Variants in CACNA2D4 observed in about 807,000 individuals in gnomAD.
The protein encoded by CACNA2D4 is voltage-dependent calcium channel subunit alpha-2/delta-4.
A neutral mutation model predicts 163.8 loss-of-function variants in CACNA2D4; 157 were observed. The ratio of observed to expected loss-of-function variants is 0.96; its 90% confidence interval spans 0.84 to 1.09. The LOEUF (loss-of-function observed/expected upper bound fraction) is 1.09, where lower values mean the gene tolerates loss of function less well. CACNA2D4 is among the 50% of genes least tolerant of loss of function. The pLI, the probability that CACNA2D4 is intolerant of heterozygous loss-of-function variation, is 0.00. For missense variants in CACNA2D4, 1,410 were observed against 1,479.9 expected (o/e 0.95, Z 0.78); for synonymous variants, 598 against 586.9 (o/e 1.02, Z -0.27).
At chr12:1,901,491 A>G (rs893659468) in intron 6 of CACNA2D4, among the ~76,000 whole-genome samples, 1 of 152,066 alleles carries the variant, frequency 6.6e-6, no homozygotes, top group Non-Finnish European at 1.5e-5. Context: ...ATATAAAATC[A>G]TAGATGAAAA....
intron 26 of CACNA2D4, chr12:1,822,211 A>T (rs1356268777): frequency 2.0e-5 from 3 of 152,318 alleles, no homozygotes; most frequent in East Asian, 3.9e-4. Context: ...GTCTGGGCCC[A>T]CGAGGAGCAA....
At position 1,883,332 on chromosome 12, in the gene CACNA2D4, G is replaced by C. The variant is rs919328763; in HGVS notation, c.1352-332C>G. Among the ~76,000 whole-genome samples, 1 of 152,156 alleles carries C rather than the reference G, an allele frequency of 6.6e-6. No homozygotes were observed. The highest frequency in any genetic ancestry group is 2.4e-5 in the African/African-American group (1 of 41,430). On this transcript the variant is annotated intron_variant, in intron 12 of 37. Coordinates refer to ENST00000382722, the MANE Select transcript of CACNA2D4 (RefSeq NM_172364.5). This position sits in a 1 kb window ranked among gnomAD's most constrained non-coding sequence, Gnocchi z 4.5. ...GCCTCGCCCTCCCACTTCCTCACAG[G>C]AACATCTCATGAGAGTGCCCTGTAA...
intron 26 of CACNA2D4, among the ~76,000 whole-genome samples, chr12:1,839,678 C>T (rs1035706580): frequency 1.3e-5 from 2 of 152,164 alleles, no homozygotes; most frequent in Non-Finnish European, 2.9e-5. Context: ...CCACAGTGCC[C>T]GGCACACGCT....
At chr12:1,887,928 T>C (rs773336196) in intron 6 of CACNA2D4, among the ~76,000 whole-genome samples, 9 of 152,304 alleles carry the variant, frequency 5.9e-5, no homozygotes, top group Non-Finnish European at 1.0e-4. Context: ...TCAGATGACA[T>C]ACACCCTTTG....
chr12:1,824,205 T>A (rs927550589), intron 26 of CACNA2D4, among the ~76,000 whole-genome samples: 1 of 152,180 alleles, frequency 6.6e-6, no homozygotes, highest in Non-Finnish European at 1.5e-5. Context: ...CCGTTTGCCC[T>A]GCTGAGAGGT....
chr12:1,816,207 A>C (rs895224688), intron 26 of CACNA2D4, among the ~76,000 whole-genome samples: 5 of 152,248 alleles, frequency 3.3e-5, no homozygotes, highest in African/African-American at 4.8e-5. Context: ...GCAGGAGACA[A>C]CACCTTATGA....
chr12:1,800,113 G>T (rs1863262221), intron 32 of CACNA2D4, 61 bp from the exon 33 acceptor site: 3 of 1,506,552 alleles, frequency 2.0e-6, no homozygotes, highest in Middle Eastern at 3.4e-4. Flanking sequence ...GGTTCCCAAG[G>T]AGCTGGAGTA....
At chr12:1,824,568 T>A (rs1864240631) in intron 26 of CACNA2D4, among the ~76,000 whole-genome samples, 1 of 152,166 alleles carries the variant, frequency 6.6e-6, no homozygotes, top group Non-Finnish European at 1.5e-5. Context: ...AGGCCCAGCA[T>A]CCAGAGTGGA....
chr12:1,906,083 G>A (rs2154451864), intron 6 of CACNA2D4, among the ~76,000 whole-genome samples: 1 of 152,248 alleles, frequency 6.6e-6, no homozygotes, highest in Non-Finnish European at 1.5e-5. Context: ...ATGGAAGAAA[G>A]GCAGTCTTTT....
In CACNA2D4 at chr12:1,833,737, G is replaced by C. The variant is rs548095252; in HGVS notation, c.2551+7002C>G. Among the ~76,000 whole-genome samples, 25 of 152,356 alleles carry C rather than the reference G, an allele frequency of 1.6e-4. No individual in the cohort carries two copies. Among genetic ancestry groups the C allele is most frequent in the Non-Finnish European group, 3.2e-4 (22 of 68,018 alleles). On this transcript the variant is annotated intron_variant, in intron 26 of 37. Coordinates refer to ENST00000382722, the MANE Select transcript of CACNA2D4 (RefSeq NM_172364.5). This position sits in a 1 kb window ranked among gnomAD's most constrained non-coding sequence, Gnocchi z 4.2. ...AAAGGTCTTGCGTGGAGGGGCAGCG[G>C]CAGGGGCAGTGGGTTTTGACTGCTG... is the stretch of plus-strand genomic sequence containing the variant.
At position 1,875,989 on chromosome 12, in the gene CACNA2D4, C is replaced by T. The variant is rs749888826; in HGVS notation, c.1720-652G>A. On this transcript the variant is annotated intron_variant, in intron 16 of 37. Transcript: ENST00000382722. This position sits in a 1 kb window ranked among gnomAD's most constrained non-coding sequence, Gnocchi z 4.0. ...CGGTTCTGCTGTTTTCCTGGCCAGC[C>T]GCACTGACCTGGCAGTTCAGGCGGA... 2.6e-4 allele frequency among the ~76,000 whole-genome samples: 39 copies of T among 152,180 alleles called. No homozygotes were observed. The highest frequency in any genetic ancestry group is 4.4e-4 in the Non-Finnish European group (30 of 68,040).
chr12:1,850,775 G>A (rs918519909), intron 23 of CACNA2D4, among the ~76,000 whole-genome samples: 4 of 151,996 alleles, frequency 2.6e-5, no homozygotes, highest in East Asian at 1.9e-4. Context: ...TTCACCAGGC[G>A]TGGTGGCAGG....
chr12:1,861,396 G>C (rs1223355046), intron 18 of CACNA2D4, among the ~76,000 whole-genome samples: 3 of 152,084 alleles, frequency 2.0e-5, no homozygotes, highest in Non-Finnish European at 2.9e-5. Flanking sequence ...GTGCTCCAAG[G>C]AGCAGCTGGC....
At position 1,869,581 on chromosome 12, in the gene CACNA2D4, T is replaced by G. The variant is rs1043209932; in HGVS notation, c.1878+5023A>C. ...CTTGAGTTCCAGTTCGTTCTTGCTTTCTTCCACATCTCATCCAGCTTTCCT... is the reference window on the plus strand; with the variant it reads ...CTTGAGTTCCAGTTCGTTCTTGCTTGCTTCCACATCTCATCCAGCTTTCCT... On this transcript the variant is annotated intron_variant, in intron 18 of 37. Coordinates refer to ENST00000382722, the MANE Select transcript of CACNA2D4 (RefSeq NM_172364.5). The surrounding 1 kb of genome is among the most constrained non-coding windows in gnomAD (Gnocchi z 4.7). 1.3e-5 allele frequency among the ~76,000 whole-genome samples: 2 copies of G among 152,248 alleles called. No homozygotes were observed. Among genetic ancestry groups the G allele is most frequent in the African/African-American group, 4.8e-5 (2 of 41,458 alleles).
chr12:1,811,347 G>T (rs555226058), intron 27 of CACNA2D4, among the ~76,000 whole-genome samples: 1 of 152,208 alleles, frequency 6.6e-6, no homozygotes, highest in East Asian at 1.9e-4. Context: ...CAGCCATCAG[G>T]GCCTGGACCC....
rs1863381048 is a variant in CACNA2D4 at position 1,802,697 on chromosome 12, TAGG to T, written c.2722-1056_2722-1054del. On this transcript the variant is annotated intron_variant, in intron 29 of 37. Transcript: ENST00000382722. The surrounding 1 kb of genome is among the most constrained non-coding windows in gnomAD (Gnocchi z 4.7). ...ATACTTGAAAAATGGCAGCCATCGT[TAGG>T]AGGAGAGGTCCGGGGTCCGGCTTGG... 6.6e-6 allele frequency among the ~76,000 whole-genome samples: 1 copy of T among 152,244 alleles called. No homozygotes were observed. Among genetic ancestry groups the T allele is most frequent in the African/African-American group, 2.4e-5 (1 of 41,454 alleles).
chr12:1,815,508 G>A (rs1253681179), intron 26 of CACNA2D4, among the ~76,000 whole-genome samples: 1 of 150,914 alleles, frequency 6.6e-6, no homozygotes, highest in Non-Finnish European at 1.5e-5. Context: ...TTTTCTAAGT[G>A]ACATGATTTG....
rs768827942 is a variant in CACNA2D4, at chr12:1,843,111, G to A, written c.2470+1291C>T. On this transcript the variant is annotated intron_variant, in intron 25 of 37. Coordinates refer to ENST00000382722, the MANE Select transcript of CACNA2D4 (RefSeq NM_172364.5). The surrounding 1 kb of genome is among the most constrained non-coding windows in gnomAD (Gnocchi z 4.6). The stretch of plus-strand genomic sequence containing the variant: ...GTTGTCTAGATTAAATGAAAAACAC[G>A]TGGAAAATTGTTTTGTGAAGCATAG... Among the ~76,000 whole-genome samples, 3 of 152,284 alleles carry A rather than the reference G, an allele frequency of 2.0e-5. No homozygotes were observed. Among genetic ancestry groups the A allele is most frequent in the South Asian group, 2.1e-4 (1 of 4,830 alleles).
In CACNA2D4 at chr12:1,917,027, C is replaced by T. The variant is rs144678514; in HGVS notation, c.227+1220G>A. On this transcript the variant is annotated intron_variant, in intron 1 of 37. Coordinates refer to ENST00000382722, the MANE Select transcript of CACNA2D4 (RefSeq NM_172364.5). This position sits in a 1 kb window ranked among gnomAD's most constrained non-coding sequence, Gnocchi z 4.3. ...CCTCTCCTATCAGCTGGTGTGTGTT[C>T]TGGGGATGAAAATTGTTCTGAACAT... Among the ~76,000 whole-genome samples, 319 of 152,280 alleles carry T rather than the reference C, an allele frequency of 2.1e-3. 2 individuals carry two copies. The highest frequency in any genetic ancestry group is 7.4e-3 in the African/African-American group (309 of 41,552).
Sources: gnomAD v4.1 joint callset for allele counts (sites outside exome capture counted in the v4.1 genomes callset) on GRCh38, gnomAD v4.1.1 for gene constraint, Gnocchi (gnomAD v3.1) non-coding constraint, MANE v1.5 for transcripts, NCBI Gene and HGNC (gene_info 2026-07-23, HGNC 2026-07-21) for gene names.